ELP2: variants seen among roughly 807,000 people sequenced by gnomAD.
The protein encoded by ELP2 is elongator acetyltransferase complex subunit 2, also known as elongator complex protein 2.
ELP2 carries 90 observed loss-of-function variants against 119.2 expected under a neutral mutation model. The observed-to-expected ratio is 0.75, with a 90% CI of 0.64 to 0.90. The LOEUF is 0.90. ELP2 is among the 40% of genes least tolerant of loss of function. The pLI is 0.00. For missense variants in ELP2, 921 were observed against 967.8 expected (o/e 0.95, Z 0.64); for synonymous variants, 339 against 331.0 (o/e 1.02, Z -0.26).
chr18:36,142,318 G>A lies in ELP2; in HGVS notation c.626G>A (p.Trp209Ter). 6.2e-7 allele frequency: 1 copy of A among 1,613,974 alleles called. No individual in the cohort carries two copies. Among genetic ancestry groups the A allele is most frequent in the Non-Finnish European group, 8.5e-7 (1 of 1,179,942 alleles). ...CTTTCTCTCTGTGGACATGAGGATT[G>A]GATTAGAGGAGTGGAATGGGCAGCC... The part of the protein sequence containing the change: ...KVLSLCGHED[W>*]IRGVEWAAFG... The change falls in exon 7 of 22, where the codon TGG (tryptophan) becomes TAG (stop). Residue 209 changes from tryptophan to a stop codon, truncating the protein, a stop_gained. Coordinates refer to ENST00000358232, the MANE Select transcript of ELP2 (RefSeq NM_018255.4). LOFTEE classifies it high-confidence loss of function.
Position 36,178,814 on chromosome 18 carries a change from G to A in ELP2, c.*4173G>A, listed in dbSNP as rs1054731567. ...TGTCTTGGGTTGTTTCATAATGATT[G>A]TGTGTGTGTCAAGGACTAGATGGGT... On this transcript the variant is annotated 3_prime_UTR_variant, in exon 22 of 22. Transcript: ENST00000358232. 7 of 151,964 alleles carry A rather than the reference G, an allele frequency of 4.6e-5. No homozygotes were observed. The highest frequency in any genetic ancestry group is 1.7e-4 in the African/African-American group (7 of 41,390). 9.4% of individuals were successfully genotyped at this position (151,964 alleles called of 1,614,324 possible).
At chr18:36,169,420 C>T (rs1360126372) in intron 19 of ELP2, among the ~76,000 whole-genome samples, 2 of 147,628 alleles carry the variant, frequency 1.4e-5, no homozygotes, top group African/African-American at 5.0e-5. Flanking sequence ...GAGTTTCACT[C>T]TTGTTGCTCA....
In ELP2 at chr18:36,178,512, A is replaced by T. The variant is rs971107053; in HGVS notation, c.*3871A>T. ...CCTCTTGATCTGAACTAGCCAATCA[A>T]TCTTGTAAAAATGTGCTTAAGGGAC... On this transcript the variant is annotated 3_prime_UTR_variant, in exon 22 of 22. Coordinates refer to ENST00000358232, the MANE Select transcript of ELP2 (RefSeq NM_018255.4). 9 of 152,184 alleles carry T rather than the reference A, an allele frequency of 5.9e-5. No individual in the cohort carries two copies. Among genetic ancestry groups the T allele is most frequent in the African/African-American group, 2.2e-4 (9 of 41,442 alleles). 9.4% of individuals were successfully genotyped at this position (152,184 alleles called of 1,614,324 possible).
chr18:36,163,828 C>G (rs2090814854), intron 17 of ELP2, among the ~76,000 whole-genome samples: 1 of 152,128 alleles, frequency 6.6e-6, no homozygotes, highest in Non-Finnish European at 1.5e-5. Flanking sequence ...GTACCATACT[C>G]TGTTAGTAAC....
intron 3 of ELP2, 189 bp downstream of exon 3, chr18:36,136,566 G>GTTTC (rs2089833863): frequency 1.7e-6 from 1 of 599,904 alleles, no homozygotes; most frequent in Non-Finnish European, 3.0e-6. Flanking sequence ...TTGTTTGTTT[G>GTTTC]TTTTTGTAGA....
intron 2 of ELP2, among the ~76,000 whole-genome samples, chr18:36,134,078 C>T (rs911730074): frequency 1.6e-4 from 25 of 152,096 alleles, no homozygotes; most frequent in Admixed American, 1.6e-3. Flanking sequence ...AGTCTTCCCT[C>T]TTTAGCCTCC....
At chr18:36,152,605 A>T (rs2090437409) in intron 11 of ELP2, among the ~76,000 whole-genome samples, 1 of 152,200 alleles carries the variant, frequency 6.6e-6, no homozygotes, top group South Asian at 2.1e-4. Context: ...GCATTTATAG[A>T]TGATGTTAGG....
At chr18:36,147,770 T>C (rs1240793144) in intron 11 of ELP2, among the ~76,000 whole-genome samples, 3 of 152,188 alleles carry the variant, frequency 2.0e-5, no homozygotes, top group African/African-American at 7.2e-5. Context: ...ATTTATATGA[T>C]ATGCAAAACA....
At chr18:36,164,908 A>G (rs938653452) in intron 18 of ELP2, 10 of 518,556 alleles carry the variant, frequency 1.9e-5, no homozygotes, top group African/African-American at 3.8e-5. Flanking sequence ...GCATGCATTC[A>G]GATATCTCAG....
intron 14 of ELP2, 139 bp from the exon 15 acceptor site, chr18:36,159,596 C>A: frequency 1.4e-6 from 1 of 719,294 alleles, no homozygotes; most frequent in Non-Finnish European, 2.5e-6. Flanking sequence ...ATACTCTTGC[C>A]TTTGGAATCA....
At chr18:36,142,720 T>G in intron 7 of ELP2, 106 bp from the exon 8 acceptor site, 1 of 774,664 alleles carries the variant, frequency 1.3e-6, no homozygotes, top group South Asian at 1.8e-5. Flanking sequence ...AAGTATTGTT[T>G]TTTTTCTGGA....
At chr18:36,135,673 A>G (rs1438377462) in intron 2 of ELP2, among the ~76,000 whole-genome samples, 1 of 152,214 alleles carries the variant, frequency 6.6e-6, no homozygotes, top group Non-Finnish European at 1.5e-5. Context: ...AATAAGTCAT[A>G]TTCTTGGTAG....
chr18:36,136,521 G>A (rs573664082), intron 3 of ELP2, 144 bp downstream of exon 3: 13 of 723,644 alleles, frequency 1.8e-5, no homozygotes, highest in South Asian at 1.4e-4. Flanking sequence ...GGGACTACAG[G>A]TGCCTGACAC....
At chr18:36,131,614 C>T (rs2089631120) in intron 1 of ELP2, among the ~76,000 whole-genome samples, 1 of 152,206 alleles carries the variant, frequency 6.6e-6, no homozygotes, top group Admixed American at 6.5e-5. Context: ...GCCAGTCAAC[C>T]CACGGTCCTG....
At chr18:36,142,449 G>A in intron 7 of ELP2, 102 bp downstream of exon 7, 3 of 1,003,784 alleles carry the variant, frequency 3.0e-6, no homozygotes, top group South Asian at 1.3e-5. Context: ...TTCTTTGTAT[G>A]TTATGTTTTT....
intron 2 of ELP2, among the ~76,000 whole-genome samples, chr18:36,133,732 ATTTATTTTT>A (rs1290411690): frequency 6.5e-5 from 3 of 46,266 alleles, no homozygotes; most frequent in Non-Finnish European, 1.8e-4. Flanking sequence ...TTATTTATTT[ATTTATTTTT>A]TTTTTGCCAA....
At chr18:36,165,317 G>A (rs1251067451) in intron 18 of ELP2, 1 of 152,312 alleles carries the variant, frequency 6.6e-6, no homozygotes, top group East Asian at 1.9e-4. Flanking sequence ...GTGTAGTTGG[G>A]TCAGTGGCCT....
Position 36,138,778 on chromosome 18 carries a change from T to G in ELP2, c.446-17T>G, listed in dbSNP as rs751961484. Reference sequence around the variant, plus strand: ...TGAGGTAGTTAGTTGTTCATTGTGTTTTTTATTATTTCTTAGTAATGTGCC... The same window carrying G: ...TGAGGTAGTTAGTTGTTCATTGTGTGTTTTATTATTTCTTAGTAATGTGCC... On this transcript the variant is annotated splice_polypyrimidine_tract_variant and intron_variant, in intron 4 of 21. Coordinates refer to ENST00000358232, the MANE Select transcript of ELP2 (RefSeq NM_018255.4). 22 of 1,606,982 alleles carry G rather than the reference T, an allele frequency of 1.4e-5. No individual in the cohort carries two copies. The highest frequency in any genetic ancestry group is 1.9e-5 in the Non-Finnish European group (22 of 1,173,732).
chr18:36,160,315 C>A (rs889831214), intron 16 of ELP2, among the ~76,000 whole-genome samples: 1 of 151,898 alleles, frequency 6.6e-6, no homozygotes, highest in Non-Finnish European at 1.5e-5. Flanking sequence ...TGGCTCACAC[C>A]TGTAATCATA....
Sources: gnomAD v4.1 joint callset for allele counts (sites outside exome capture counted in the v4.1 genomes callset) on GRCh38, gnomAD v4.1.1 for gene constraint, MANE v1.5 for transcripts, NCBI Gene and HGNC (gene_info 2026-07-23, HGNC 2026-07-21) for gene names.